AKT3: variants seen among roughly 807,000 people sequenced by gnomAD.
AKT3 encodes the protein AKT serine/threonine kinase 3, also known as RAC-gamma serine/threonine-protein kinase.
A neutral mutation model predicts 65.3 loss-of-function variants in AKT3; 15 were observed. The ratio of observed to expected loss-of-function variants is 0.23; its 90% CI spans 0.15 to 0.35. AKT3 has a LOEUF of 0.35. Among genes scored for constraint, AKT3 ranks in the 10% least tolerant of loss-of-function variants. The pLI is 1.00. For missense variants in AKT3, 243 were observed against 576.5 expected (o/e 0.42, Z 5.92); for synonymous variants, 206 against 183.8 (o/e 1.12, Z -0.98).
chr1:243,743,870 G>C (rs953605165), intron 2 of AKT3, among the ~76,000 whole-genome samples: 1 of 152,172 alleles, frequency 6.6e-6, no homozygotes, highest in African/African-American at 2.4e-5. Context: ...CCAAGTGTTG[G>C]TGAAGATATA....
intron 6 of AKT3, among the ~76,000 whole-genome samples, chr1:243,632,736 C>A (rs1174887315): frequency 6.6e-6 from 1 of 152,180 alleles, no homozygotes; most frequent in African/African-American, 2.4e-5. Flanking sequence ...AGCTAGATAT[C>A]TGGATAACTT....
In AKT3 at chr1:243,581,801, C is replaced by T. The variant is rs74644187; in HGVS notation, c.697-8753G>A. Among the ~76,000 whole-genome samples the T allele has an allele frequency of 7.5e-3, 1,140 of 151,436 alleles. 11 individuals carry two copies. The highest frequency in any genetic ancestry group is 0.026 in the African/African-American group (1,069 of 41,304). ...ATTCAAAGTAGGGATTGCAGTAAGC[C>T]CAATGAGATCCAAGACAAAGTTGAA... On this transcript the variant is annotated intron_variant, in intron 8 of 13. Coordinates refer to ENST00000673466, the MANE Select transcript of AKT3 (RefSeq NM_005465.7).
intron 2 of AKT3, among the ~76,000 whole-genome samples, chr1:243,725,411 T>C (rs937317019): frequency 1.3e-5 from 2 of 152,142 alleles, no homozygotes; most frequent in Non-Finnish European, 2.9e-5. Context: ...ATGGGGGCAC[T>C]GTGCTATCTG....
At chr1:243,811,307 A>T (rs899647603) in intron 2 of AKT3, among the ~76,000 whole-genome samples, 9 of 152,232 alleles carry the variant, frequency 5.9e-5, no homozygotes, top group Admixed American at 2.0e-4. Context: ...CCTTAAGCTG[A>T]TAAGTAACTT....
intron 8 of AKT3, among the ~76,000 whole-genome samples, chr1:243,592,251 CGTGAACCCAGGAGGCGGAGCTTGCA>C (rs542940041): frequency 7.9e-5 from 12 of 152,022 alleles, no homozygotes; most frequent in Middle Eastern, 6.8e-3. Flanking sequence ...AGGAGAATGG[CGTGAACCCAGGAGGCGGAGCTTGCA>C]GTGAGCCCAG....
chr1:243,633,246 A>G (rs1679738463), intron 6 of AKT3, among the ~76,000 whole-genome samples: 1 of 152,228 alleles, frequency 6.6e-6, no homozygotes. Context: ...AAGAAAAGCT[A>G]TAGTGAGTTA....
rs1273764933 is a variant in AKT3, at chr1:243,760,923, A to G, written c.47-65207T>C. On this transcript the variant is annotated intron_variant, in intron 2 of 13. Transcript: ENST00000673466. ...TAATTAATAAATAATATTAAATAAG[A>G]TGTCCTCAAACAGAAACACACATAA... Among the ~76,000 whole-genome samples, 3 of 152,352 alleles carry G rather than the reference A, an allele frequency of 2.0e-5. No individual in the cohort carries two copies. In the East Asian group the frequency reaches 5.8e-4, roughly 29 times the overall value.
At chr1:243,727,627 T>C (rs1250148632) in intron 2 of AKT3, among the ~76,000 whole-genome samples, 1 of 152,180 alleles carries the variant, frequency 6.6e-6, no homozygotes, top group East Asian at 1.9e-4. Flanking sequence ...TTGTAATTTA[T>C]AGGCTGAAAT....
intron 2 of AKT3, among the ~76,000 whole-genome samples, chr1:243,792,351 ATT>A (rs1390946584): frequency 6.6e-6 from 1 of 152,188 alleles, no homozygotes; most frequent in East Asian, 1.9e-4. Context: ...TGTGCCCGAC[ATT>A]ATAGATAAAA....
chr1:243,792,767 TTCAC>T (rs1691708750), intron 2 of AKT3, among the ~76,000 whole-genome samples: 1 of 152,194 alleles, frequency 6.6e-6, no homozygotes, highest in Admixed American at 6.5e-5. Flanking sequence ...CTAGCATACT[TTCAC>T]TCAAAAACAG....
At chr1:243,592,071 C>T (rs1676265507) in intron 8 of AKT3, among the ~76,000 whole-genome samples, 1 of 152,232 alleles carries the variant, frequency 6.6e-6, no homozygotes, top group South Asian at 2.1e-4. Flanking sequence ...CACGGTAGCT[C>T]ACACGTGTAA....
At chr1:243,742,258 ATT>A (rs1286725402) in intron 2 of AKT3, among the ~76,000 whole-genome samples, 2 of 152,106 alleles carry the variant, frequency 1.3e-5, no homozygotes, top group African/African-American at 4.8e-5. Context: ...TAAATTGAAA[ATT>A]TTTTTAAAAA....
intron 2 of AKT3, among the ~76,000 whole-genome samples, chr1:243,826,310 G>A (rs1694164827): frequency 6.6e-6 from 1 of 152,152 alleles, no homozygotes; most frequent in Non-Finnish European, 1.5e-5. Flanking sequence ...GAGAACTGAA[G>A]TACAAACATT....
intron 2 of AKT3, among the ~76,000 whole-genome samples, chr1:243,772,493 T>C (rs1219055200): frequency 6.6e-6 from 1 of 152,144 alleles, no homozygotes; most frequent in African/African-American, 2.4e-5. Flanking sequence ...TGAGATATCA[T>C]CTCACATCAG....
At chr1:243,621,414 C>T (rs887977066) in intron 6 of AKT3, among the ~76,000 whole-genome samples, 2 of 152,076 alleles carry the variant, frequency 1.3e-5, no homozygotes, top group African/African-American at 2.4e-5. Flanking sequence ...GTTGTCTTTC[C>T]GCAGTCTCAT....
At chr1:243,706,417 C>G (rs1297278630) in intron 2 of AKT3, among the ~76,000 whole-genome samples, 1 of 152,148 alleles carries the variant, frequency 6.6e-6, no homozygotes, top group African/African-American at 2.4e-5. Flanking sequence ...TGGTCTGTGC[C>G]ATCTGAAAAA....
chr1:243,678,930 C>T (rs907352325), intron 3 of AKT3, among the ~76,000 whole-genome samples: 2 of 152,008 alleles, frequency 1.3e-5, no homozygotes, highest in African/African-American at 4.8e-5. Flanking sequence ...CCAAATGTGC[C>T]TATCTCTCCT....
chr1:243,665,368 C>CT (rs2147923358), intron 3 of AKT3, among the ~76,000 whole-genome samples: 1 of 152,290 alleles, frequency 6.6e-6, no homozygotes, highest in African/African-American at 2.4e-5. Flanking sequence ...CATAGACTAT[C>CT]TTACAGTATT....
At chr1:243,492,227 G>C (rs1435261091) in intron 13 of AKT3, among the ~76,000 whole-genome samples, 1 of 149,436 alleles carries the variant, frequency 6.7e-6, no homozygotes, top group African/African-American at 2.5e-5. Context: ...CATCCTCCCC[G>C]CTCCCCGGCG....
Sources: allele counts gnomAD v4.1 joint callset (sites outside exome capture counted in the v4.1 genomes callset), GRCh38; gene constraint gnomAD v4.1.1; transcripts MANE v1.5; gene names NCBI Gene and HGNC (gene_info 2026-07-23, HGNC 2026-07-21).